Variants in TMEM232 observed in about 807,000 individuals in gnomAD.
The protein encoded by TMEM232 is transmembrane protein 232.
In TMEM232, 80 loss-of-function variants were observed where a neutral mutation model predicts 78.8. The ratio of observed to expected loss-of-function variants is 1.01; its 90% CI spans 0.85 to 1.22. The LOEUF is 1.22. Among genes scored for constraint, TMEM232 ranks in the 50% most tolerant of loss-of-function variants. The probability of loss-of-function intolerance (pLI) is 0.00; values close to 1 mark genes in which losing one functional copy is unlikely to be tolerated. For synonymous variants in TMEM232, 297 were observed against 254.3 expected (o/e 1.17, Z -1.60); for missense variants, 881 against 742.2 (o/e 1.19, Z -2.17).
chr5:110,621,099 G>A (rs1419691492), intron 7 of TMEM232, among the ~76,000 whole-genome samples: 1 of 151,774 alleles, frequency 6.6e-6, no homozygotes, highest in Admixed American at 6.6e-5. Flanking sequence ...CTGACCTCAA[G>A]TGATGCACCC....
At chr5:110,708,193 G>A (rs149693764) in intron 1 of TMEM232, among the ~76,000 whole-genome samples, 2 of 152,246 alleles carry the variant, frequency 1.3e-5, no homozygotes, top group East Asian at 3.9e-4. Flanking sequence ...TCATAGCAGG[G>A]ATAGAGCAAC....
chr5:110,518,818 C>G (rs936781300), intron 12 of TMEM232, among the ~76,000 whole-genome samples: 2 of 151,898 alleles, frequency 1.3e-5, no homozygotes, highest in African/African-American at 4.8e-5. Flanking sequence ...AACTTTCCCA[C>G]ATGATTTAGC....
At chr5:110,699,937 T>G (rs911298668) in intron 1 of TMEM232, among the ~76,000 whole-genome samples, 57 of 152,200 alleles carry the variant, frequency 3.7e-4, no homozygotes, top group African/African-American at 1.3e-3. Context: ...TAGGTGTCAC[T>G]AAGAAATTCA....
intron 2 of TMEM232, among the ~76,000 whole-genome samples, chr5:110,642,766 G>T (rs1222878699): frequency 6.6e-6 from 1 of 152,042 alleles, no homozygotes. Context: ...CTGTGCAAGT[G>T]GAATCAGCCC....
At chr5:110,481,600 G>A (rs1763872378) in intron 12 of TMEM232, among the ~76,000 whole-genome samples, 1 of 152,116 alleles carries the variant, frequency 6.6e-6, no homozygotes, top group African/African-American at 2.4e-5. Flanking sequence ...TGCTCATCAT[G>A]TGCAACATTT....
intron 10 of TMEM232, among the ~76,000 whole-genome samples, chr5:110,570,850 A>C (rs1178902336): frequency 2.0e-5 from 3 of 151,972 alleles, no homozygotes; most frequent in Non-Finnish European, 4.4e-5. Context: ...ATGGCCAGGC[A>C]ATTACTGTCT....
chr5:110,690,302 C>A (rs945434007), intron 1 of TMEM232, among the ~76,000 whole-genome samples: 10 of 151,988 alleles, frequency 6.6e-5, no homozygotes, highest in Admixed American at 5.2e-4. Context: ...AATAAACAAC[C>A]CCTTCAAAAA....
At chr5:110,422,537 A>G (rs1212246223) in intron 13 of TMEM232, among the ~76,000 whole-genome samples, 3 of 151,058 alleles carry the variant, frequency 2.0e-5, no homozygotes, top group Admixed American at 2.0e-4. Flanking sequence ...AAAAAAAAAA[A>G]AAAAAAAAAA....
chr5:110,438,622 T>C (rs1352425427), intron 12 of TMEM232, among the ~76,000 whole-genome samples: 1 of 152,018 alleles, frequency 6.6e-6, no homozygotes, highest in Admixed American at 6.6e-5. Context: ...TGCATTTACT[T>C]TCCGCAAGCA....
At chr5:110,507,409 C>T (rs1206676901) in intron 12 of TMEM232, among the ~76,000 whole-genome samples, 1 of 152,182 alleles carries the variant, frequency 6.6e-6, no homozygotes, top group African/African-American at 2.4e-5. Flanking sequence ...TACTCTACCT[C>T]CACCATCTTC....
chr5:110,710,615 A>G (rs73228186), intron 1 of TMEM232, among the ~76,000 whole-genome samples: 5,957 of 152,234 alleles, frequency 0.039, 380 homozygotes, highest in African/African-American at 0.14. Flanking sequence ...AATGTGACAC[A>G]CTATATCAAC....
At chr5:110,655,597 A>C (rs1277292765) in intron 2 of TMEM232, among the ~76,000 whole-genome samples, 10 of 148,168 alleles carry the variant, frequency 6.7e-5, no homozygotes, top group Non-Finnish European at 8.9e-5. Context: ...TTATAAAGAC[A>C]CATGCACACG....
chr5:110,729,920 T>C (rs904572574), upstream of TMEM232, among the ~76,000 whole-genome samples: 6 of 152,224 alleles, frequency 3.9e-5, no homozygotes, highest in African/African-American at 1.4e-4. Flanking sequence ...CACCTCATTT[T>C]AGAAGCCTTC....
chr5:110,487,418 C>A (rs1764580913), intron 12 of TMEM232, among the ~76,000 whole-genome samples: 1 of 151,770 alleles, frequency 6.6e-6, no homozygotes, highest in Non-Finnish European at 1.5e-5. Context: ...TCAACTTTTC[C>A]CCATTCGGTA....
chr5:110,543,300 C>T (rs1384003327), intron 11 of TMEM232, among the ~76,000 whole-genome samples: 1 of 152,160 alleles, frequency 6.6e-6, no homozygotes, highest in South Asian at 2.1e-4. Context: ...CTCTATGATT[C>T]TCTTGTGGGG....
chr5:110,488,444 G>A (rs115983753), intron 12 of TMEM232, among the ~76,000 whole-genome samples: 2,944 of 152,024 alleles, frequency 0.019, 90 homozygotes, highest in African/African-American at 0.068. Context: ...GAATTCATAC[G>A]TATGGAGAAT....
chr5:110,613,329 A>T (rs992481587), intron 8 of TMEM232, among the ~76,000 whole-genome samples: 4 of 152,196 alleles, frequency 2.6e-5, no homozygotes, highest in East Asian at 1.9e-4. Flanking sequence ...ACTGACCAAT[A>T]GCATCAGAAA....
intron 11 of TMEM232, among the ~76,000 whole-genome samples, chr5:110,549,647 A>C (rs1581176512): frequency 1.3e-5 from 2 of 150,804 alleles, no homozygotes; most frequent in East Asian, 3.9e-4. Flanking sequence ...GAAGTTCATA[A>C]GGCCTTGGAA....
chr5:110,632,483 T>A (rs959304540), intron 5 of TMEM232, among the ~76,000 whole-genome samples: 1 of 151,910 alleles, frequency 6.6e-6, no homozygotes, highest in Non-Finnish European at 1.5e-5. Flanking sequence ...CAAGAGAATT[T>A]CAAAAAATAA....
Sources: allele counts gnomAD v4.1 joint callset (sites outside exome capture counted in the v4.1 genomes callset), GRCh38; gene constraint gnomAD v4.1.1; transcripts MANE v1.5; gene names NCBI Gene and HGNC (gene_info 2026-07-23, HGNC 2026-07-21).